Variants in TENM2 observed in about 807,000 individuals in gnomAD.
TENM2 encodes the protein teneurin-2.
TENM2 carries 52 observed loss-of-function variants against 245.2 expected under a neutral mutation model. The ratio of observed to expected loss-of-function variants is 0.21; its 90% CI spans 0.17 to 0.27. TENM2 has a LOEUF of 0.27. TENM2 is among the 10% of genes least tolerant of loss of function. TENM2 has a pLI of 1.00. For synonymous variants in TENM2, 1,363 were observed against 1,438.9 expected, an observed-to-expected ratio of 0.95 and a Z score of 1.19; for missense variants, 3,046 against 3,666.8, an observed-to-expected ratio of 0.83 and a Z score of 4.37.
intron 4 of TENM2, among the ~76,000 whole-genome samples, chr5:167,960,521 T>G (rs1325784389): frequency 6.6e-6 from 1 of 151,886 alleles, no homozygotes; most frequent in African/African-American, 2.4e-5. Context: ...TACTCAAGCC[T>G]CAGTAATAGT....
intron 3 of TENM2, among the ~76,000 whole-genome samples, chr5:167,942,114 A>G (rs1422820872): frequency 6.6e-6 from 1 of 152,148 alleles, no homozygotes; most frequent in Non-Finnish European, 1.5e-5. Flanking sequence ...AGGCTGAGGC[A>G]GGAGAATCGC....
intron 4 of TENM2, among the ~76,000 whole-genome samples, chr5:167,989,859 T>C (rs1048222496): frequency 1.3e-5 from 2 of 152,118 alleles, no homozygotes; most frequent in African/African-American, 4.8e-5. Flanking sequence ...GGTTGTGACT[T>C]GTTCCAGACA....
intron 2 of TENM2, among the ~76,000 whole-genome samples, chr5:167,433,265 C>T (rs984157386): frequency 1.3e-5 from 2 of 151,828 alleles, no homozygotes; most frequent in South Asian, 2.1e-4. Context: ...GATTAAATAT[C>T]GTGGCCATGT....
At chr5:167,033,244 G>T in the TENM2 span, among the ~76,000 whole-genome samples, 1 of 152,144 alleles carries the variant, frequency 6.6e-6, no homozygotes, top group Non-Finnish European at 1.5e-5. Flanking sequence ...CTTTATTCGT[G>T]CTATTTTTTG....
chr5:167,445,334 T>TAGAGAGAGAGAGAGAG lies in TENM2; in HGVS notation c.502+69862_502+69863insGAGAGAGAGAGAGAGA, dbSNP rs1380778783. On this transcript the variant is annotated intron_variant, in intron 2 of 28. Transcript: ENST00000518659. ...GATTATATATATATATATATATATA[T>TAGAGAGAGAGAGAGAG]ATAGAGAGAGAGAGAGAGAGAGAGA... Among the ~76,000 whole-genome samples the TAGAGAGAGAGAGAGAG allele has an allele frequency of 1.7e-3, 145 of 86,210 alleles. 2 individuals are homozygous for TAGAGAGAGAGAGAGAG. The highest frequency in any genetic ancestry group is 2.5e-3 in the Non-Finnish European group (111 of 44,086). 56.6% of individuals were successfully genotyped at this position (86,210 alleles called of 152,430 possible).
intron 9 of TENM2, among the ~76,000 whole-genome samples, chr5:168,117,906 G>C (rs1234711014): frequency 3.3e-5 from 5 of 152,304 alleles, no homozygotes; most frequent in Non-Finnish European, 4.4e-5. Context: ...GGGCCAACCT[G>C]GTTCCCAGCC....
the TENM2 span, among the ~76,000 whole-genome samples, chr5:167,205,953 A>C: frequency 6.6e-6 from 1 of 152,188 alleles, no homozygotes. Flanking sequence ...CAGCTAAGAG[A>C]AAGTTCTGCT....
chr5:167,949,947 T>A (rs1779948096), intron 3 of TENM2, among the ~76,000 whole-genome samples: 1 of 152,208 alleles, frequency 6.6e-6, no homozygotes, highest in Non-Finnish European at 1.5e-5. Flanking sequence ...GAGAATGTCT[T>A]CCAATACCGA....
chr5:167,301,897 T>C (rs888430886), intron 1 of TENM2, among the ~76,000 whole-genome samples: 3 of 150,700 alleles, frequency 2.0e-5, no homozygotes, highest in African/African-American at 7.3e-5. Context: ...GGAGGGGAGG[T>C]GATAAAAGGA....
chr5:167,136,263 G>A, the TENM2 span, among the ~76,000 whole-genome samples: 1 of 152,118 alleles, frequency 6.6e-6, no homozygotes, highest in South Asian at 2.1e-4. Flanking sequence ...AAACGTATAG[G>A]CTGAATGAAT....
chr5:167,157,973 G>A, the TENM2 span, among the ~76,000 whole-genome samples: 4 of 152,224 alleles, frequency 2.6e-5, no homozygotes, highest in Admixed American at 1.3e-4. Flanking sequence ...TTCTACTCTC[G>A]TTTTGGATTG....
intron 2 of TENM2, among the ~76,000 whole-genome samples, chr5:167,376,011 T>A (rs1760727986): frequency 6.6e-6 from 1 of 152,190 alleles, no homozygotes. Context: ...AAAAGAATTC[T>A]TTATATGTTT....
chr5:167,394,082 T>C (rs1345554515), intron 2 of TENM2, among the ~76,000 whole-genome samples: 2 of 152,176 alleles, frequency 1.3e-5, no homozygotes, highest in Non-Finnish European at 2.9e-5. Flanking sequence ...TAGATTGCAT[T>C]TTCATTTTGT....
chr5:168,069,850 G>C (rs1790827361), intron 7 of TENM2, among the ~76,000 whole-genome samples: 1 of 152,080 alleles, frequency 6.6e-6, no homozygotes, highest in Admixed American at 6.5e-5. Context: ...ATGGTGGTGG[G>C]GATCTTCTTG....
At chr5:168,116,464 G>A (rs1795089603) in intron 9 of TENM2, among the ~76,000 whole-genome samples, 1 of 152,028 alleles carries the variant, frequency 6.6e-6, no homozygotes, top group Non-Finnish European at 1.5e-5. Context: ...CCAGAAAAAG[G>A]CATTGTGTTT....
chr5:167,903,044 T>G (rs1281114265), intron 3 of TENM2, among the ~76,000 whole-genome samples: 1 of 152,240 alleles, frequency 6.6e-6, no homozygotes, highest in African/African-American at 2.4e-5. Flanking sequence ...AATCATTTCA[T>G]ATTGTATACA....
At chr5:167,903,621 G>A (rs759119941) in intron 3 of TENM2, among the ~76,000 whole-genome samples, 11 of 152,212 alleles carry the variant, frequency 7.2e-5, no homozygotes, top group Non-Finnish European at 1.6e-4. Flanking sequence ...TCTTGGTTGT[G>A]TTGAGGAACT....
chr5:167,419,110 T>C (rs796825779), intron 2 of TENM2, among the ~76,000 whole-genome samples: 1 of 150,854 alleles, frequency 6.6e-6, no homozygotes, highest in African/African-American at 2.5e-5. Context: ...CACACACACA[T>C]GAAAACTTAG....
At chr5:167,058,286 A>C in the TENM2 span, among the ~76,000 whole-genome samples, 3 of 152,262 alleles carry the variant, frequency 2.0e-5, no homozygotes, top group South Asian at 4.1e-4. Context: ...CATTCTATAA[A>C]TAATTGTTGA....
Sources: allele counts gnomAD v4.1 joint callset (sites outside exome capture counted in the v4.1 genomes callset), GRCh38; gene constraint gnomAD v4.1.1; transcripts MANE v1.5; gene names NCBI Gene and HGNC (gene_info 2026-07-23, HGNC 2026-07-21).